FBH1: variants seen among roughly 807,000 people sequenced by gnomAD.
FBH1 encodes DNA 3'-5' helicase 1.
A neutral mutation model predicts 115.5 loss-of-function variants in FBH1; 43 were observed. The ratio of observed to expected loss-of-function variants is 0.37; its 90% CI spans 0.29 to 0.48. The LOEUF is 0.48. FBH1 is among the 20% of genes least tolerant of loss of function. The pLI, the probability that FBH1 is intolerant of heterozygous loss-of-function variation, is 0.99. For synonymous variants in FBH1, 524 were observed against 507.8 expected (o/e 1.03, Z -0.43); for missense variants, 1,001 against 1,337.3 (o/e 0.75, Z 3.92).
intron 10 of FBH1, 110 bp downstream of exon 10, chr10:5,916,566 G>C: frequency 2.1e-5 from 21 of 1,007,024 alleles, no homozygotes; most frequent in Non-Finnish European, 3.0e-5. Flanking sequence ...TCTGAGGATG[G>C]GGAAACAGGG....
chr10:5,902,973 G>A, intron 1 of FBH1, 47 bp from the exon 2 acceptor site: 1 of 1,533,780 alleles, frequency 6.5e-7, no homozygotes, highest in Non-Finnish European at 8.8e-7. Flanking sequence ...TAGAATCGGT[G>A]ATAACTAATG....
Position 5,925,188 on chromosome 10 carries a change from T to A in FBH1, c.2597-179T>A, listed in dbSNP as rs1832569026. On this transcript the variant is annotated intron_variant, in intron 17 of 20. Coordinates refer to ENST00000362091, the MANE Select transcript of FBH1 (RefSeq NM_178150.3). This position sits in a 1 kb window ranked among gnomAD's most constrained non-coding sequence, Gnocchi z 4.6. Reference sequence around the variant, plus strand: ...CTTTTCCCCTCGTCTTTTTCTTTTTTCTGTTCCCGACAGTTGTCTGTTCCC... The same window carrying A: ...CTTTTCCCCTCGTCTTTTTCTTTTTACTGTTCCCGACAGTTGTCTGTTCCC... 1 of 735,780 alleles carries A rather than the reference T, an allele frequency of 1.4e-6. No homozygotes were observed. The highest frequency in any genetic ancestry group is 2.9e-5 in the East Asian group (1 of 34,766). The allele number at this position is 735,780 out of a possible 1,614,324, so 45.6% of individuals were successfully genotyped here.
rs1260761718 is a variant in FBH1 at position 5,917,923 on chromosome 10, C to T, written c.1963+247C>T. 1.3e-5 allele frequency among the ~76,000 whole-genome samples: 2 copies of T among 152,194 alleles called. No homozygotes were observed. Among genetic ancestry groups the T allele is most frequent in the Non-Finnish European group, 2.9e-5 (2 of 68,032 alleles). On this transcript the variant is annotated intron_variant, in intron 12 of 20. Coordinates refer to ENST00000362091, the MANE Select transcript of FBH1 (RefSeq NM_178150.3). The surrounding 1 kb of genome is among the most constrained non-coding windows in gnomAD (Gnocchi z 5.6). ...GTTGTAGACCAGCAGACGACAGGGACCTAGACTCATGCTCTGTGGGAAGAG... is the reference window on the plus strand; with the variant it reads ...GTTGTAGACCAGCAGACGACAGGGATCTAGACTCATGCTCTGTGGGAAGAG...
chr10:5,900,524 A>G lies in FBH1; in HGVS notation c.2-2496A>G, dbSNP rs1222726596. Among the ~76,000 whole-genome samples the G allele has an allele frequency of 2.2e-4, 33 of 152,216 alleles. No homozygotes were observed. The highest frequency in any genetic ancestry group is 2.9e-5 in the Non-Finnish European group (2 of 68,034). On this transcript the variant is annotated intron_variant, in intron 1 of 20. Coordinates refer to ENST00000362091, the MANE Select transcript of FBH1 (RefSeq NM_178150.3). This position sits in a 1 kb window ranked among gnomAD's most constrained non-coding sequence, Gnocchi z 4.2. ...CTGTGATTGCTGAGGCCTGGCGCTC[A>G]TGGGGTTGCACCCAGCTTCTGAGTT...
Position 5,917,210 on chromosome 10 carries a change from C to G in FBH1, c.1789-210C>G. 1.7e-6 allele frequency: 1 copy of G among 579,710 alleles called. No homozygotes were observed. Among genetic ancestry groups the G allele is most frequent in the South Asian group, 2.0e-5 (1 of 49,530 alleles). 35.9% of individuals were successfully genotyped at this position (579,710 alleles called of 1,614,324 possible). On this transcript the variant is annotated intron_variant, in intron 10 of 20. Coordinates refer to ENST00000362091, the MANE Select transcript of FBH1 (RefSeq NM_178150.3). The surrounding 1 kb of genome is among the most constrained non-coding windows in gnomAD (Gnocchi z 5.6). ...GATCTCTGTCCTGTCACGGGCATGG[C>G]ACGGCCCGGCTGCTTCCTGTCTCAG... is the stretch of plus-strand genomic sequence containing the variant.
Position 5,927,375 on chromosome 10 carries a change from A to C in FBH1, c.2723-60A>C, listed in dbSNP as rs1207524623. 6 of 1,261,028 alleles carry C rather than the reference A, an allele frequency of 4.8e-6. No individual in the cohort carries two copies. The Admixed American group carries it at 1.2e-4, about 25-fold the overall frequency. 78.1% of individuals were successfully genotyped at this position (1,261,028 alleles called of 1,614,324 possible). A position where few individuals can be genotyped will look rare whatever the true frequency, so the allele number is the denominator to read the frequency against. On this transcript the variant is annotated intron_variant, in intron 18 of 20. Coordinates refer to ENST00000362091, the MANE Select transcript of FBH1 (RefSeq NM_178150.3). ...CTAGTAAACATTTAGATGAGACATA[A>C]GGTTTTGTAAGCTTTTCTAAGGCTT...
chr10:5,894,698 C>T (rs548526040), intron 1 of FBH1, among the ~76,000 whole-genome samples: 2 of 152,156 alleles, frequency 1.3e-5, no homozygotes, highest in African/African-American at 2.4e-5. Flanking sequence ...CACATTTGTT[C>T]GTTTAATCAG....
At chr10:5,898,685 C>T (rs958260211) in intron 1 of FBH1, among the ~76,000 whole-genome samples, 2 of 152,218 alleles carry the variant, frequency 1.3e-5, no homozygotes, top group African/African-American at 4.8e-5. Flanking sequence ...GCTGGGATTA[C>T]AGGCATGAGC....
Position 5,921,224 on chromosome 10 carries a change from G to T in FBH1, c.2101-34G>T, listed in dbSNP as rs767792821. 1.9e-6 allele frequency: 3 copies of T among 1,598,060 alleles called. No homozygotes were observed. Among genetic ancestry groups the T allele is most frequent in the Non-Finnish European group, 2.6e-6 (3 of 1,165,914 alleles). On this transcript the variant is annotated intron_variant, in intron 13 of 20. Coordinates refer to ENST00000362091, the MANE Select transcript of FBH1 (RefSeq NM_178150.3). This position sits in a 1 kb window ranked among gnomAD's most constrained non-coding sequence, Gnocchi z 6.4. ...GAAATGCACGGACACACCACAGGGC[G>T]GGCTGCTGACTCCCTCTGTCTTGTT...
chr10:5,908,536 T>C (rs1843865203), intron 3 of FBH1, among the ~76,000 whole-genome samples: 1 of 152,214 alleles, frequency 6.6e-6, no homozygotes, highest in Admixed American at 6.5e-5. Context: ...TTTTGAATTG[T>C]GAGCTGTGAT....
rs191338383 is a variant in FBH1 at position 5,936,817 on chromosome 10, G to C, written c.2961+230G>C. On this transcript the variant is annotated intron_variant, in intron 20 of 20. Transcript: ENST00000362091. The surrounding 1 kb of genome is among the most constrained non-coding windows in gnomAD (Gnocchi z 5.6). Reference sequence around the variant, plus strand: ...CCGCAGGTCTGGGAGGCTGGGTTGTGATACACGCTTAGAGAGAGAGCTGTT... The same window carrying C: ...CCGCAGGTCTGGGAGGCTGGGTTGTCATACACGCTTAGAGAGAGAGCTGTT... 55 of 624,128 alleles carry C rather than the reference G, an allele frequency of 8.8e-5. No individual in the cohort carries two copies. In the Middle Eastern group the frequency reaches 1.3e-3, roughly 15 times the overall value. The allele number at this position is 624,128 out of a possible 1,614,324, so 38.7% of individuals were successfully genotyped here. A position where few individuals can be genotyped will look rare whatever the true frequency, so the allele number is the denominator to read the frequency against.
In FBH1 at chr10:5,937,521, A is replaced by G; in HGVS notation, c.*241A>G. ...AAGTGGGGGATGTTCTTTTGATAAA[A>G]AAAAAAAAAAAAATTTATGTATTTA... On this transcript the variant is annotated 3_prime_UTR_variant, in exon 21 of 21. Coordinates refer to ENST00000362091, the MANE Select transcript of FBH1 (RefSeq NM_178150.3). 3.3e-6 allele frequency: 1 copy of G among 300,330 alleles called. No individual in the cohort carries two copies. The highest frequency in any genetic ancestry group is 5.1e-5 in the Admixed American group (1 of 19,736). 18.6% of individuals were successfully genotyped at this position (300,330 alleles called of 1,614,324 possible).
At position 5,906,246 on chromosome 10, in the gene FBH1, C is replaced by T. The variant is rs1312625993; in HGVS notation, c.367C>T (p.Arg123Trp). Residue 123 changes from arginine to tryptophan, a missense_variant, in exon 3 of 21, where the codon CGG becomes TGG. Physicochemically the swap from Arg to Trp is moderately radical, Grantham distance 101. Coordinates refer to ENST00000362091, the MANE Select transcript of FBH1 (RefSeq NM_178150.3). The surrounding 1 kb of genome is among the most constrained non-coding windows in gnomAD (Gnocchi z 7.3). ...AGGGTCTGCCCCGCCCTCCAGGAAG[C>T]GGTCTTGGTCCTCTGAGGAAGAGAG... ...SPGSAPPSRK[R>W]SWSSEEESNQ... is the part of the protein sequence containing the mutation. 1.2e-6 allele frequency: 2 copies of T among 1,614,174 alleles called. No homozygotes were observed. The highest frequency in any genetic ancestry group is 1.7e-6 in the Non-Finnish European group (2 of 1,180,022).
At position 5,909,509 on chromosome 10, in the gene FBH1, A is replaced by C; in HGVS notation, c.1020+215A>C. Reference sequence around the variant, plus strand: ...TTAGATGTAGATGAAATTTTAACAAATCATTTAGTCTGATTTCCCATTTGG... The same window carrying C: ...TTAGATGTAGATGAAATTTTAACAACTCATTTAGTCTGATTTCCCATTTGG... On this transcript the variant is annotated intron_variant, in intron 5 of 20. Coordinates refer to ENST00000362091, the MANE Select transcript of FBH1 (RefSeq NM_178150.3). The surrounding 1 kb of genome is among the most constrained non-coding windows in gnomAD (Gnocchi z 4.4). 2.0e-6 allele frequency: 1 copy of C among 508,608 alleles called. No homozygotes were observed. The highest frequency in any genetic ancestry group is 3.3e-6 in the Non-Finnish European group (1 of 302,422). The allele number at this position is 508,608 out of a possible 1,614,324, so 31.5% of individuals were successfully genotyped here.
In FBH1 at chr10:5,933,257, G is replaced by T. The variant is rs562941721; in HGVS notation, c.2830-3199G>T. 6.6e-6 allele frequency among the ~76,000 whole-genome samples: 1 copy of T among 152,090 alleles called. No individual in the cohort carries two copies. Among genetic ancestry groups the T allele is most frequent in the African/African-American group, 2.4e-5 (1 of 41,424 alleles). On this transcript the variant is annotated intron_variant, in intron 19 of 20. Coordinates refer to ENST00000362091, the MANE Select transcript of FBH1 (RefSeq NM_178150.3). The surrounding 1 kb of genome is among the most constrained non-coding windows in gnomAD (Gnocchi z 4.9). ...ACAAAAATTAGCTGGGTGTAGTGGCGTATGCCTGTAATCCCAGCTACTCAG... is the reference window on the plus strand; with the variant it reads ...ACAAAAATTAGCTGGGTGTAGTGGCTTATGCCTGTAATCCCAGCTACTCAG...
rs1833074113 is a variant in FBH1 at position 5,933,305 on chromosome 10, T to G, written c.2830-3151T>G. Reference sequence around the variant, plus strand: ...CAGGAGGCTGAGGCAGGAGAATCACTTGAATCCGGGAGGCAGAGGTTGCAG... The same window carrying G: ...CAGGAGGCTGAGGCAGGAGAATCACGTGAATCCGGGAGGCAGAGGTTGCAG... On this transcript the variant is annotated intron_variant, in intron 19 of 20. Coordinates refer to ENST00000362091, the MANE Select transcript of FBH1 (RefSeq NM_178150.3). This position sits in a 1 kb window ranked among gnomAD's most constrained non-coding sequence, Gnocchi z 4.9. 6.6e-6 allele frequency among the ~76,000 whole-genome samples: 1 copy of G among 152,176 alleles called. No homozygotes were observed. The highest frequency in any genetic ancestry group is 6.5e-5 in the Admixed American group (1 of 15,274).
chr10:5,915,512 C>T lies in FBH1; in HGVS notation c.1506C>T (p.Phe502=). 1.2e-6 allele frequency: 2 copies of T among 1,614,222 alleles called. No homozygotes were observed. The highest frequency in any genetic ancestry group is 1.7e-6 in the Non-Finnish European group (2 of 1,180,034). ...TCGCAAAGCAGGCCGAACGCGTCTT[C>T]CCCAGCAACGTCATCTGCAAAACCT... is the stretch of plus-strand genomic sequence containing the variant. ...KSIAKQAERV[F]PSNVICKTFH... The change falls in exon 9 of 21, where the codon TTC becomes TTT. Residue 502 remains phenylalanine, a synonymous_variant. Coordinates refer to ENST00000362091, the MANE Select transcript of FBH1 (RefSeq NM_178150.3). This position sits in a 1 kb window ranked among gnomAD's most constrained non-coding sequence, Gnocchi z 5.2.
At position 5,936,640 on chromosome 10, in the gene FBH1, G is replaced by A; in HGVS notation, c.2961+53G>A. 6.2e-7 allele frequency: 1 copy of A among 1,604,494 alleles called. No homozygotes were observed. Among genetic ancestry groups the A allele is most frequent in the South Asian group, 1.1e-5 (1 of 90,550 alleles). On this transcript the variant is annotated intron_variant, in intron 20 of 20. Coordinates refer to ENST00000362091, the MANE Select transcript of FBH1 (RefSeq NM_178150.3). The surrounding 1 kb of genome is among the most constrained non-coding windows in gnomAD (Gnocchi z 5.6). ...TCAGCCATTTGCATTTTTTGCTTGT[G>A]AGCTCTGTGCTTATCTGGGTTGTAG...
In FBH1 at chr10:5,933,568, C is replaced by T. The variant is rs143635467; in HGVS notation, c.2830-2888C>T. The stretch of plus-strand genomic sequence containing the variant: ...CCTCAGGGGTCCTGCGAGGAAGTCC[C>T]AGAAAAACTGCCTATTTGTGGGAAC... On this transcript the variant is annotated intron_variant, in intron 19 of 20. Transcript: ENST00000362091. This position sits in a 1 kb window ranked among gnomAD's most constrained non-coding sequence, Gnocchi z 4.9. Among the ~76,000 whole-genome samples the T allele has an allele frequency of 5.3e-5, 8 of 152,208 alleles. No individual in the cohort carries two copies. In the East Asian group the frequency reaches 1.5e-3, roughly 29 times the overall value.
Sources: gnomAD v4.1 joint callset for allele counts (sites outside exome capture counted in the v4.1 genomes callset) on GRCh38, gnomAD v4.1.1 for gene constraint, Gnocchi (gnomAD v3.1) non-coding constraint, MANE v1.5 for transcripts, NCBI Gene and HGNC (gene_info 2026-07-23, HGNC 2026-07-21) for gene names.